Variants in GPM6A observed in about 807,000 individuals in gnomAD.
The protein encoded by GPM6A is glycoprotein M6A, also known as neuronal membrane glycoprotein M6-a.
In GPM6A, 7 loss-of-function variants were observed where a neutral mutation model predicts 32.1. The observed-to-expected ratio is 0.22, with a 90% CI of 0.12 to 0.41. The LOEUF (loss-of-function observed/expected upper bound fraction) is 0.41, where lower values mean the gene tolerates loss of function less well. GPM6A is among the 10% of genes least tolerant of loss of function. GPM6A has a pLI of 1.00. For synonymous variants in GPM6A, 130 were observed against 123.4 expected (o/e 1.05, Z -0.35); for missense variants, 235 against 347.2 (o/e 0.68, Z 2.57).
chr4:175,809,702 A>G (rs891926416), intron 1 of GPM6A, among the ~76,000 whole-genome samples: 1 of 152,206 alleles, frequency 6.6e-6, no homozygotes, highest in African/African-American at 2.4e-5. Context: ...AGTTAGGACT[A>G]TTCTCAATTG....
rs1035841976 is a variant in GPM6A, at chr4:175,988,837, C to T, written c.-23+13472G>A. On this transcript the variant is annotated intron_variant, in intron 1 of 7. Transcript: ENST00000280187. ...ATTATACCCAATGTAGCGTGAGGGGCAGGCTCATTACTCTGATTTGTTGTC... is the reference window on the plus strand; with the variant it reads ...ATTATACCCAATGTAGCGTGAGGGGTAGGCTCATTACTCTGATTTGTTGTC... 5.3e-5 allele frequency among the ~76,000 whole-genome samples: 8 copies of T among 152,232 alleles called. 1 individual carries two copies. Among genetic ancestry groups the T allele is most frequent in the South Asian group, 2.1e-4 (1 of 4,816 alleles).
chr4:175,778,470 C>A (rs976606667), intron 1 of GPM6A, among the ~76,000 whole-genome samples: 11 of 151,324 alleles, frequency 7.3e-5, no homozygotes, highest in Non-Finnish European at 1.6e-4. Flanking sequence ...ACTAAAAATA[C>A]AAAAATTAGC....
chr4:175,840,736 C>T (rs2111384553), intron 1 of GPM6A, among the ~76,000 whole-genome samples: 1 of 136,266 alleles, frequency 7.3e-6, no homozygotes, highest in East Asian at 2.2e-4. Flanking sequence ...GTGAAGAATC[C>T]AGCATGAAAG....
intron 1 of GPM6A, among the ~76,000 whole-genome samples, chr4:175,922,976 C>T (rs1400193698): frequency 6.6e-6 from 1 of 152,012 alleles, no homozygotes; most frequent in Non-Finnish European, 1.5e-5. Context: ...ATCAGTACAT[C>T]TTGTAGCTCA....
At chr4:175,764,815 A>G (rs1732893227) in intron 1 of GPM6A, among the ~76,000 whole-genome samples, 1 of 150,396 alleles carries the variant, frequency 6.6e-6, no homozygotes, top group African/African-American at 2.4e-5. Context: ...ACCTTCTCCT[A>G]TAGCTCCATT....
chr4:175,857,773 T>C (rs896681196), intron 1 of GPM6A, among the ~76,000 whole-genome samples: 2 of 152,008 alleles, frequency 1.3e-5, no homozygotes, highest in Non-Finnish European at 2.9e-5. Flanking sequence ...CCATACTTAA[T>C]GATAAAAGAC....
intron 1 of GPM6A, among the ~76,000 whole-genome samples, chr4:175,753,700 C>G (rs954256067): frequency 2.6e-5 from 4 of 152,108 alleles, no homozygotes; most frequent in Admixed American, 6.6e-5. Context: ...TAATGGTCTT[C>G]CAAATTCTGC....
intron 1 of GPM6A, among the ~76,000 whole-genome samples, chr4:175,911,154 C>A (rs1179189965): frequency 6.6e-6 from 1 of 152,118 alleles, no homozygotes; most frequent in Non-Finnish European, 1.5e-5. Context: ...GTCTATCCAG[C>A]CCTCCAAATG....
chr4:175,689,497 G>A (rs1409508910), intron 2 of GPM6A, among the ~76,000 whole-genome samples: 1 of 150,990 alleles, frequency 6.6e-6, no homozygotes, highest in African/African-American at 2.4e-5. Flanking sequence ...AGAAATATAA[G>A]TTCAACCCTC....
At chr4:175,807,073 A>G (rs1734725159) in intron 1 of GPM6A, 1 of 152,242 alleles carries the variant, frequency 6.6e-6, no homozygotes, top group Admixed American at 6.5e-5. Context: ...CTTAGCCACT[A>G]GTCTACAGAC....
chr4:175,659,847 G>A (rs768877445), intron 3 of GPM6A, among the ~76,000 whole-genome samples: 3 of 152,140 alleles, frequency 2.0e-5, no homozygotes, highest in Non-Finnish European at 4.4e-5. Flanking sequence ...ATGAACAATA[G>A]TGTGAATGTA....
chr4:175,947,639 C>T (rs895805676), intron 1 of GPM6A: 1 of 152,094 alleles, frequency 6.6e-6, no homozygotes, highest in African/African-American at 2.4e-5. Context: ...TTCTTGCATT[C>T]ATTACCTCAT....
intron 1 of GPM6A, among the ~76,000 whole-genome samples, chr4:175,916,834 TTC>T (rs1738509630): frequency 6.6e-6 from 1 of 152,156 alleles, no homozygotes; most frequent in Admixed American, 6.5e-5. Flanking sequence ...AAGCCCCTCC[TTC>T]CACATTAAAA....
chr4:175,757,213 C>A (rs544359751), intron 1 of GPM6A, among the ~76,000 whole-genome samples: 1 of 152,122 alleles, frequency 6.6e-6, no homozygotes, highest in East Asian at 1.9e-4. Context: ...TATGAGGAGG[C>A]ACAGGCATTC....
intron 1 of GPM6A, among the ~76,000 whole-genome samples, chr4:175,801,950 T>C (rs1485365602): frequency 2.0e-5 from 3 of 152,094 alleles, no homozygotes; most frequent in Non-Finnish European, 4.4e-5. Flanking sequence ...ACATGTATCA[T>C]AAATCAGTAG....
At chr4:175,947,874 AT>A (rs1739662372) in intron 1 of GPM6A, among the ~76,000 whole-genome samples, 1 of 152,136 alleles carries the variant, frequency 6.6e-6, no homozygotes, top group African/African-American at 2.4e-5. Context: ...CATATTCTAG[AT>A]TTTTTAGTAA....
At chr4:175,942,771 G>A (rs1739454675) in intron 1 of GPM6A, among the ~76,000 whole-genome samples, 1 of 152,160 alleles carries the variant, frequency 6.6e-6, no homozygotes, top group African/African-American at 2.4e-5. Context: ...TGCTATTTTG[G>A]TTACTGTAGC....
At chr4:175,657,451 A>C (rs1007528425) in intron 3 of GPM6A, among the ~76,000 whole-genome samples, 2 of 151,840 alleles carry the variant, frequency 1.3e-5, no homozygotes, top group Non-Finnish European at 2.9e-5. Flanking sequence ...TCCAGTGTTA[A>C]GAACTCTTTC....
chr4:175,862,871 C>A (rs144611219), intron 1 of GPM6A, among the ~76,000 whole-genome samples: 6 of 152,030 alleles, frequency 3.9e-5, no homozygotes, highest in African/African-American at 1.4e-4. Flanking sequence ...GTTGCTGTTG[C>A]GAATAGGGTC....
Sources: allele counts gnomAD v4.1 joint callset (sites outside exome capture counted in the v4.1 genomes callset), GRCh38; gene constraint gnomAD v4.1.1; transcripts MANE v1.5; gene names NCBI Gene and HGNC (gene_info 2026-07-23, HGNC 2026-07-21).